Variants in CDH4 observed in about 807,000 individuals in gnomAD.
The protein encoded by CDH4 is cadherin-4.
A neutral mutation model predicts 86.0 loss-of-function variants in CDH4; 33 were observed. That is an observed-to-expected ratio of 0.38 (90% CI 0.29 to 0.51). The LOEUF is 0.51. Ranked by LOEUF, CDH4 falls within the 20% of genes least tolerant of loss-of-function variation. CDH4 has a pLI of 0.86. For missense variants in CDH4, 1,114 were observed against 1,307.4 expected (o/e 0.85, Z 2.28); for synonymous variants, 555 against 549.4 (o/e 1.01, Z -0.14).
chr20:61,775,084 T>G (rs1419574387), intron 4 of CDH4, among the ~76,000 whole-genome samples: 1 of 152,176 alleles, frequency 6.6e-6, no homozygotes, highest in African/African-American at 2.4e-5. Context: ...CCTCTAGGAC[T>G]TTGAGGAATT....
Position 61,754,515 on chromosome 20 carries a change from G to T in CDH4, c.396+10726G>T, listed in dbSNP as rs923967371. On this transcript the variant is annotated intron_variant, in intron 3 of 15. Coordinates refer to ENST00000614565, the MANE Select transcript of CDH4 (RefSeq NM_001794.5). The surrounding 1 kb of genome is among the most constrained non-coding windows in gnomAD (Gnocchi z 4.7). ...CACTGCAGGCTCCACAGGGCTTGGG[G>T]TGTCCCTGGGGAGAGGAGGGATGAG... Among the ~76,000 whole-genome samples the T allele has an allele frequency of 6.6e-6, 1 of 151,972 alleles. No homozygotes were observed. The highest frequency in any genetic ancestry group is 2.4e-5 in the African/African-American group (1 of 41,284).
Position 61,367,458 on chromosome 20 carries a change from A to G in CDH4, c.169+112521A>G, listed in dbSNP as rs117789463. ...AATAGTGGTGGGAATGTGATAAAAG[A>G]AAACCACAGAAGCCAGCTTGAAGGG... is the stretch of plus-strand genomic sequence containing the variant. On this transcript the variant is annotated intron_variant, in intron 2 of 15. Coordinates refer to ENST00000614565, the MANE Select transcript of CDH4 (RefSeq NM_001794.5). Among the ~76,000 whole-genome samples the G allele has an allele frequency of 9.4e-3, 1,424 of 151,788 alleles. 10 individuals are homozygous for G. The highest frequency in any genetic ancestry group is 0.013 in the Non-Finnish European group (914 of 68,030).
intron 2 of CDH4, among the ~76,000 whole-genome samples, chr20:61,606,080 G>A (rs144643982): frequency 3.5e-4 from 53 of 152,216 alleles, no homozygotes; most frequent in African/African-American, 1.2e-3. Flanking sequence ...TTGGAGCCAG[G>A]GCTGCCCGTG....
intron 2 of CDH4, among the ~76,000 whole-genome samples, chr20:61,476,325 C>T (rs140079826): frequency 1.5e-4 from 23 of 152,336 alleles, no homozygotes; most frequent in African/African-American, 4.6e-4. Context: ...TCAAAGCCAA[C>T]GTTTGCAGGA....
At chr20:61,801,719 G>A (rs1979840525) in intron 4 of CDH4, among the ~76,000 whole-genome samples, 1 of 152,180 alleles carries the variant, frequency 6.6e-6, no homozygotes, top group Non-Finnish European at 1.5e-5. Context: ...CCCTTGCTCT[G>A]TCTTCAAGGG....
rs199501765 is a variant in CDH4, at chr20:61,928,422, C to T, written c.2004C>T (p.Asn668=). Residue 668 remains asparagine, a splice_region_variant and synonymous_variant, in exon 12 of 16, where the codon AAC becomes AAT. Transcript: ENST00000614565. The part of the protein sequence containing the change: ...VRKNWTITRL[N]GDYAQLSLRI... The stretch of plus-strand genomic sequence containing the variant: ...AGAACTGGACCATCACCCGCCTGAA[C>T]GGTGAGCCCGCCTTAGGCCACGGGG... 34 of 1,611,140 alleles carry T rather than the reference C, an allele frequency of 2.1e-5. No homozygotes were observed. Among genetic ancestry groups the T allele is most frequent in the African/African-American group, 5.3e-5 (4 of 74,942 alleles).
At chr20:61,910,810 C>A (rs531922657) in intron 9 of CDH4, among the ~76,000 whole-genome samples, 109 of 152,206 alleles carry the variant, frequency 7.2e-4, no homozygotes, top group Non-Finnish European at 1.2e-3. Flanking sequence ...CTTGGCAGAC[C>A]CCCCAAAAAT....
rs1187544267 is a variant in CDH4 at position 61,258,342 on chromosome 20, A to AAAAAAAAG, written c.169+3408_169+3409insAAAAGAAA. ...GAGACTCCGTCTCAAAAAAAAAAAA[A>AAAAAAAAG]AAAGAAAAAAAAAAAAGAAAGAGGA... On this transcript the variant is annotated intron_variant, in intron 2 of 15. Transcript: ENST00000614565. Among the ~76,000 whole-genome samples the AAAAAAAAG allele has an allele frequency of 4.2e-5, 5 of 120,050 alleles. 1 individual carries two copies. The East Asian group carries it at 1.1e-3, about 27-fold the overall frequency. The allele number at this position is 120,050 out of a possible 152,430, so 78.8% of individuals were successfully genotyped here. A position where few individuals can be genotyped will look rare whatever the true frequency, so the allele number is the denominator to read the frequency against.
chr20:61,307,346 A>G (rs1388082523), intron 2 of CDH4, among the ~76,000 whole-genome samples: 1 of 151,744 alleles, frequency 6.6e-6, no homozygotes, highest in Non-Finnish European at 1.5e-5. Context: ...ATGTATCATT[A>G]GGCACTCAGC....
intron 4 of CDH4, among the ~76,000 whole-genome samples, chr20:61,814,318 G>A (rs554167489): frequency 3.3e-5 from 5 of 152,320 alleles, no homozygotes; most frequent in South Asian, 4.1e-4. Flanking sequence ...CTAGGAAGTA[G>A]GGGCAGGATT....
At chr20:61,570,400 G>A in intron 2 of CDH4, 2 of 430,148 alleles carry the variant, frequency 4.6e-6, no homozygotes, top group Non-Finnish European at 8.4e-6. Flanking sequence ...GACGGGCCTG[G>A]CTGCAGACGT....
At chr20:61,424,103 C>A (rs1332009732) in intron 2 of CDH4, among the ~76,000 whole-genome samples, 1 of 151,798 alleles carries the variant, frequency 6.6e-6, no homozygotes, top group Non-Finnish European at 1.5e-5. Context: ...CGTATACACA[C>A]ATATACACAC....
At chr20:61,569,069 T>C (rs1466853725) in intron 2 of CDH4, among the ~76,000 whole-genome samples, 1 of 152,184 alleles carries the variant, frequency 6.6e-6, no homozygotes, top group East Asian at 1.9e-4. Flanking sequence ...GTTTGTGCTC[T>C]CTGGAGCCTC....
chr20:61,928,168 G>A (rs2055065460), intron 11 of CDH4, 22 bp from the exon 12 acceptor site: 1 of 1,584,328 alleles, frequency 6.3e-7, no homozygotes, highest in Non-Finnish European at 8.6e-7. Flanking sequence ...GGCCCGTGTG[G>A]TGACCTGTGT....
In CDH4 at chr20:61,855,410, G is replaced by A. The variant is rs570855042; in HGVS notation, c.877+2512G>A. ...CAGCCATCCCTTAAGGGGCAGGCAG[G>A]GGGTGAGCAGATTAGCTCCAGGCAG... is the stretch of plus-strand genomic sequence containing the variant. On this transcript the variant is annotated intron_variant, in intron 6 of 15. Coordinates refer to ENST00000614565, the MANE Select transcript of CDH4 (RefSeq NM_001794.5). 2.8e-4 allele frequency among the ~76,000 whole-genome samples: 43 copies of A among 152,318 alleles called. No homozygotes were observed. In the South Asian group the frequency reaches 4.3e-3, roughly 15 times the overall value.
intron 4 of CDH4, among the ~76,000 whole-genome samples, chr20:61,803,406 C>T (rs937035893): frequency 5.9e-5 from 9 of 152,240 alleles, no homozygotes; most frequent in African/African-American, 1.9e-4. Flanking sequence ...TTAAGTCTGG[C>T]TCCCAAATGA....
chr20:61,782,172 G>A (rs879882365), intron 4 of CDH4, among the ~76,000 whole-genome samples: 4 of 152,160 alleles, frequency 2.6e-5, no homozygotes, highest in Non-Finnish European at 4.4e-5. Flanking sequence ...AGCTGGGTGT[G>A]GTGGCACATG....
chr20:61,770,244 G>A (rs368734478), intron 3 of CDH4, among the ~76,000 whole-genome samples: 11 of 152,274 alleles, frequency 7.2e-5, no homozygotes, highest in African/African-American at 2.4e-4. Flanking sequence ...GGCTGGGAGC[G>A]CCCCATGGAA....
chr20:61,371,875 A>G, intron 2 of CDH4, among the ~76,000 whole-genome samples: 1 of 152,252 alleles, frequency 6.6e-6, no homozygotes, highest in Middle Eastern at 3.4e-3. Context: ...CACCCTCACC[A>G]TCCGTCCCTC....
Sources: gnomAD v4.1 joint callset for allele counts (sites outside exome capture counted in the v4.1 genomes callset) on GRCh38, gnomAD v4.1.1 for gene constraint, Gnocchi (gnomAD v3.1) non-coding constraint, MANE v1.5 for transcripts, NCBI Gene and HGNC (gene_info 2026-07-23, HGNC 2026-07-21) for gene names.